EYS: variants seen among roughly 807,000 people sequenced by gnomAD.
The protein encoded by EYS is protein eyes shut homolog.
In EYS, 250 loss-of-function variants were observed where a neutral mutation model predicts 282.1. That is an observed-to-expected ratio of 0.89 (90% CI 0.80 to 0.98). The LOEUF is 0.98. Among genes scored for constraint, EYS ranks in the 50% least tolerant of loss-of-function variants. The probability of loss-of-function intolerance (pLI) is 0.00; values close to 1 mark genes in which losing one functional copy is unlikely to be tolerated. For missense variants in EYS, 4,016 were observed against 3,709.0 expected, an observed-to-expected ratio of 1.08 and a Z score of -2.15; for synonymous variants, 1,355 against 1,282.9, an observed-to-expected ratio of 1.06 and a Z score of -1.20.
At chr6:63,887,062 G>T in intron 35 of EYS, among the ~76,000 whole-genome samples, 1 of 152,136 alleles carries the variant, frequency 6.6e-6, no homozygotes, top group East Asian at 1.9e-4. Context: ...TATTAGAAAA[G>T]CATGCAAACA....
In EYS at chr6:63,957,753, C is replaced by G. The variant is rs1005777871; in HGVS notation, c.7055+26630G>C. Among the ~76,000 whole-genome samples, 8 of 140,756 alleles carry G rather than the reference C, an allele frequency of 5.7e-5. 2 individuals carry two copies. The highest frequency in any genetic ancestry group is 3.8e-4 in the Admixed American group (5 of 13,044). 92.3% of individuals were successfully genotyped at this position (140,756 alleles called of 152,430 possible). On this transcript the variant is annotated intron_variant, in intron 35 of 42. Coordinates refer to ENST00000503581, the MANE Select transcript of EYS (RefSeq NM_001142800.2). ...ACTTTCTCCACTCTAGAGTACTGCT[C>G]TCTCTGATGCCAAAATTCCTGAGCT...
At chr6:64,332,956 C>T (rs1039907319) in intron 29 of EYS, among the ~76,000 whole-genome samples, 20 of 152,110 alleles carry the variant, frequency 1.3e-4, no homozygotes, top group Non-Finnish European at 1.5e-4. Flanking sequence ...ATTAGTAATA[C>T]TAAAGCCATT....
chr6:64,267,499 C>G (rs1208308329), intron 30 of EYS, among the ~76,000 whole-genome samples: 1 of 152,040 alleles, frequency 6.6e-6, no homozygotes, highest in East Asian at 1.9e-4. Context: ...CTGCTAGCAT[C>G]CCCACTAAAT....
At chr6:64,305,756 G>A (rs1438059067) in intron 30 of EYS, among the ~76,000 whole-genome samples, 1 of 152,120 alleles carries the variant, frequency 6.6e-6, no homozygotes, top group African/African-American at 2.4e-5. Context: ...GGATTAAAAA[G>A]CTGAAACTTT....
intron 29 of EYS, among the ~76,000 whole-genome samples, chr6:64,347,426 T>C (rs984768561): frequency 6.6e-6 from 1 of 151,426 alleles, no homozygotes; most frequent in African/African-American, 2.4e-5. Flanking sequence ...TGTTCTGATC[T>C]TTGAGGTATG....
rs925170436 is a variant in EYS at position 65,354,348 on chromosome 6, A to T, written c.1300-731T>A. Among the ~76,000 whole-genome samples, 93 of 152,216 alleles carry T rather than the reference A, an allele frequency of 6.1e-4. 1 individual carries two copies. Among genetic ancestry groups the T allele is most frequent in the African/African-American group, 2.2e-3 (93 of 41,552 alleles). On this transcript the variant is annotated intron_variant, in intron 8 of 42. Transcript: ENST00000503581. ...AACAAATCTCCCTTGAATTTGGCAG[A>T]GAAAAACACAGCTGAGACATGCAGT...
chr6:65,618,327 GT>G (rs1766302204), intron 2 of EYS, among the ~76,000 whole-genome samples: 1 of 152,248 alleles, frequency 6.6e-6, no homozygotes, highest in South Asian at 2.1e-4. Flanking sequence ...TTTTTCATGT[GT>G]TTTTCGGCTG....
chr6:65,032,975 C>T (rs767036648), intron 13 of EYS, among the ~76,000 whole-genome samples: 41 of 152,258 alleles, frequency 2.7e-4, no homozygotes, highest in African/African-American at 5.3e-4. Context: ...ATGGAAATGA[C>T]GAACTTATTG....
At chr6:64,365,338 G>A in intron 29 of EYS, among the ~76,000 whole-genome samples, 1 of 151,948 alleles carries the variant, frequency 6.6e-6, no homozygotes, top group Non-Finnish European at 1.5e-5. Context: ...ATAGTTTGAA[G>A]CTGTGTCAGC....
chr6:64,375,737 A>C (rs1282937763), intron 29 of EYS, among the ~76,000 whole-genome samples: 1 of 152,222 alleles, frequency 6.6e-6, no homozygotes, highest in East Asian at 1.9e-4. Flanking sequence ...TATTTTCTCC[A>C]CTTTGTATTA....
intron 41 of EYS, among the ~76,000 whole-genome samples, chr6:63,746,336 T>C (rs1769210057): frequency 1.3e-5 from 2 of 152,242 alleles, no homozygotes; most frequent in South Asian, 4.1e-4. Context: ...CAGTATTTTA[T>C]TGAGGATTTT....
At chr6:63,733,170 T>A (rs1298988225) in intron 41 of EYS, among the ~76,000 whole-genome samples, 1 of 152,072 alleles carries the variant, frequency 6.6e-6, no homozygotes, top group Admixed American at 6.6e-5. Context: ...TTTTAATAGA[T>A]AAAGTCAGAG....
intron 5 of EYS, among the ~76,000 whole-genome samples, chr6:65,440,665 A>AT (rs903705830): frequency 1.9e-4 from 29 of 150,772 alleles, no homozygotes; most frequent in African/African-American, 6.1e-4. Context: ...TGTAAAGCTA[A>AT]TTTTTTTTGT....
At chr6:65,627,471 T>C (rs1439646554) in intron 2 of EYS, among the ~76,000 whole-genome samples, 1 of 152,244 alleles carries the variant, frequency 6.6e-6, no homozygotes, top group South Asian at 2.1e-4. Flanking sequence ...TGGGAGCCCC[T>C]TTCTGGGCTG....
intron 10 of EYS, among the ~76,000 whole-genome samples, chr6:65,336,140 C>T (rs186797717): frequency 2.0e-4 from 30 of 151,820 alleles, no homozygotes; most frequent in Non-Finnish European, 3.4e-4. Context: ...ACAATTAAAC[C>T]TCTTTTCTTT....
intron 33 of EYS, among the ~76,000 whole-genome samples, chr6:64,012,582 G>A (rs1302265832): frequency 2.0e-5 from 3 of 152,174 alleles, no homozygotes; most frequent in African/African-American, 7.2e-5. Context: ...TAGACATTAG[G>A]CAGTATGGGT....
At chr6:64,599,667 G>T (rs1444718078) in intron 24 of EYS, among the ~76,000 whole-genome samples, 1 of 152,064 alleles carries the variant, frequency 6.6e-6, no homozygotes, top group African/African-American at 2.4e-5. Flanking sequence ...ATAAAGTATG[G>T]TTTAAAGAAA....
chr6:64,914,212 G>A (rs553738457), intron 15 of EYS, among the ~76,000 whole-genome samples: 3 of 152,042 alleles, frequency 2.0e-5, no homozygotes, highest in Admixed American at 6.6e-5. Flanking sequence ...AGATAGAGAG[G>A]TAGTCCATCA....
chr6:64,467,026 A>G (rs1388306909), intron 26 of EYS, among the ~76,000 whole-genome samples: 3 of 152,172 alleles, frequency 2.0e-5, no homozygotes, highest in African/African-American at 7.2e-5. Flanking sequence ...CTACAAACAG[A>G]CAAACTAAAA....
Sources: gnomAD v4.1 joint callset for allele counts (sites outside exome capture counted in the v4.1 genomes callset) on GRCh38, gnomAD v4.1.1 for gene constraint, MANE v1.5 for transcripts, NCBI Gene and HGNC (gene_info 2026-07-23, HGNC 2026-07-21) for gene names.